Variants in SKI observed in about 807,000 individuals in gnomAD.
SKI encodes ski oncogene.
Under a neutral mutation model 59.3 loss-of-function variants are expected in SKI, and 23 were observed. That is an observed-to-expected ratio of 0.39 (90% CI 0.28 to 0.55). The LOEUF is 0.55. Among genes scored for constraint, SKI ranks in the 20% least tolerant of loss-of-function variants. The pLI, the probability that SKI is intolerant of heterozygous loss-of-function variation, is 0.67. For missense variants in SKI, 1,017 were observed against 1,038.9 expected, an observed-to-expected ratio of 0.98 and a Z score of 0.29; for synonymous variants, 673 against 488.6, an observed-to-expected ratio of 1.38 and a Z score of -4.98.
At chr1:2,261,873 C>CGCTCCTG (rs1557826548) in intron 1 of SKI, among the ~76,000 whole-genome samples, 30 of 137,516 alleles carry the variant, frequency 2.2e-4, no homozygotes, top group African/African-American at 8.2e-4. Context: ...TGGACGCCCT[C>CGCTCCTG]ACTCCTGATC....
intron 1 of SKI, among the ~76,000 whole-genome samples, chr1:2,255,265 A>G (rs922225293): frequency 1.3e-5 from 2 of 152,164 alleles, no homozygotes. Flanking sequence ...GACAAGCACT[A>G]TGGTGCTTGA....
rs1427630469 is a variant in SKI at position 2,269,426 on chromosome 1, G to A, written c.970-33552G>A. 6.6e-6 allele frequency among the ~76,000 whole-genome samples: 1 copy of A among 152,236 alleles called. No individual in the cohort carries two copies. The highest frequency in any genetic ancestry group is 1.5e-5 in the Non-Finnish European group (1 of 68,050). ...CCACAGCGTCACTAGTAGGCCAAGCGGACACTGCGGGACACGTTCCCCAAC... is the reference window on the plus strand; with the variant it reads ...CCACAGCGTCACTAGTAGGCCAAGCAGACACTGCGGGACACGTTCCCCAAC... On this transcript the variant is annotated intron_variant, in intron 1 of 6. Transcript: ENST00000378536. The surrounding 1 kb of genome is among the most constrained non-coding windows in gnomAD (Gnocchi z 4.7).
rs771124417 is a variant in SKI, at chr1:2,229,562, G to A, written c.796G>A (p.Ala266Thr). The A allele has an allele frequency of 1.9e-6, 3 of 1,611,410 alleles. No individual in the cohort carries two copies. The South Asian group carries it at 3.3e-5, about 18-fold the overall frequency. The change falls in exon 1 of 7, where the codon GCC becomes ACC. Residue 266 changes from alanine to threonine, a missense_variant. Transcript: ENST00000378536. This position sits in a 1 kb window ranked among gnomAD's most constrained non-coding sequence, Gnocchi z 6.3. ...CAAGTTCGTGGTGCACTCGCACAAGGCCCTGGAGAACCGGACCTGCCACTG... is the reference window on the plus strand; with the variant it reads ...CAAGTTCGTGGTGCACTCGCACAAGACCCTGGAGAACCGGACCTGCCACTG... ...PHKFVVHSHK[A>T]LENRTCHWGF...
intron 1 of SKI, among the ~76,000 whole-genome samples, chr1:2,285,123 C>T (rs922479225): frequency 2.6e-5 from 4 of 152,100 alleles, no homozygotes; most frequent in African/African-American, 4.8e-5. Context: ...TTGGTGTGGC[C>T]GTGTGGACTT....
At chr1:2,277,561 C>T (rs1167224735) in intron 1 of SKI, among the ~76,000 whole-genome samples, 2 of 152,234 alleles carry the variant, frequency 1.3e-5, no homozygotes, top group Non-Finnish European at 2.9e-5. Context: ...CCATGTGGAA[C>T]TGTAAGTCCA....
In SKI at chr1:2,269,546, G is replaced by T. The variant is rs919524868; in HGVS notation, c.970-33432G>T. 2.0e-5 allele frequency among the ~76,000 whole-genome samples: 3 copies of T among 152,270 alleles called. No individual in the cohort carries two copies. The highest frequency in any genetic ancestry group is 7.2e-5 in the African/African-American group (3 of 41,480). Reference sequence around the variant, plus strand: ...CCCGTTCCAGGCCCGCACTAGTGGCGCCTGGTTATCAGGTGTGGTGAGGAG... The same window carrying T: ...CCCGTTCCAGGCCCGCACTAGTGGCTCCTGGTTATCAGGTGTGGTGAGGAG... On this transcript the variant is annotated intron_variant, in intron 1 of 6. Coordinates refer to ENST00000378536, the MANE Select transcript of SKI (RefSeq NM_003036.4). This position sits in a 1 kb window ranked among gnomAD's most constrained non-coding sequence, Gnocchi z 4.7.
chr1:2,260,312 G>A (rs949607657), intron 1 of SKI, among the ~76,000 whole-genome samples: 1 of 152,046 alleles, frequency 6.6e-6, no homozygotes, highest in Non-Finnish European at 1.5e-5. Flanking sequence ...TGTCTTCTTT[G>A]GTGAAATGTC....
At position 2,282,157 on chromosome 1, in the gene SKI, AGGACGCCCGAGAAGACAGGC is replaced by A. The variant is rs1218523207; in HGVS notation, c.970-20818_970-20799del. ...GGCGGTGGCGGAGATCTTCAGAGAG[AGGACGCCCGAGAAGACAGGC>A]GGTGGCGGAGATCTTCAGAGAGAGG... On this transcript the variant is annotated intron_variant, in intron 1 of 6. Transcript: ENST00000378536. Among the ~76,000 whole-genome samples the A allele has an allele frequency of 2.6e-3, 102 of 38,858 alleles. 3 individuals carry two copies. Among genetic ancestry groups the A allele is most frequent in the East Asian group, 6.2e-3 (9 of 1,444 alleles). The allele number at this position is 38,858 out of a possible 152,430, so 25.5% of individuals were successfully genotyped here.
chr1:2,280,610 G>A (rs1298687057), intron 1 of SKI, among the ~76,000 whole-genome samples: 27 of 145,108 alleles, frequency 1.9e-4, no homozygotes, highest in African/African-American at 2.8e-4. Flanking sequence ...GAGAGAAGAT[G>A]CCCGAGAAGA....
chr1:2,228,856 C>A lies in SKI; in HGVS notation c.90C>A (p.Ser30Arg). 7.0e-7 allele frequency: 1 copy of A among 1,428,816 alleles called. No homozygotes were observed. Among genetic ancestry groups the A allele is most frequent in the East Asian group, 3.2e-5 (1 of 31,442 alleles). 88.5% of individuals were successfully genotyped at this position (1,428,816 alleles called of 1,614,324 possible). ...TLEQFHLSSM[S>R]SLGGPAAFSA... ...AGCAGTTCCACCTGAGCTCCATGAG[C>A]TCGCTGGGCGGCCCGGCCGCTTTCT... Residue 30 changes from serine to arginine, a missense_variant, in exon 1 of 7, where the codon AGC becomes AGA. By Grantham distance (110) the Ser-to-Arg change is moderately radical. Transcript: ENST00000378536.
At chr1:2,299,030 A>AG (rs1640358338) in intron 1 of SKI, among the ~76,000 whole-genome samples, 1 of 152,168 alleles carries the variant, frequency 6.6e-6, no homozygotes, top group South Asian at 2.1e-4. Context: ...GGTTCACAGC[A>AG]GGCTCTATGT....
chr1:2,242,060 T>G (rs1051542588), intron 1 of SKI, among the ~76,000 whole-genome samples: 1 of 152,098 alleles, frequency 6.6e-6, no homozygotes, highest in Non-Finnish European at 1.5e-5. Flanking sequence ...AGAGTCAATA[T>G]CTTGTTGGGA....
chr1:2,302,739 C>T (rs940775648), intron 1 of SKI, among the ~76,000 whole-genome samples: 4 of 152,196 alleles, frequency 2.6e-5, no homozygotes, highest in South Asian at 2.1e-4. Flanking sequence ...TCTGTTCTCT[C>T]GGAGATGACT....
chr1:2,273,574 C>T (rs1177639650), intron 1 of SKI, among the ~76,000 whole-genome samples: 1 of 152,134 alleles, frequency 6.6e-6, no homozygotes, highest in Admixed American at 6.5e-5. Flanking sequence ...GGGCGGTCCT[C>T]CCCAGCCTTG....
rs1346509032 is a variant in SKI at position 2,267,128 on chromosome 1, C to T, written c.970-35850C>T. On this transcript the variant is annotated intron_variant, in intron 1 of 6. Coordinates refer to ENST00000378536, the MANE Select transcript of SKI (RefSeq NM_003036.4). This position sits in a 1 kb window ranked among gnomAD's most constrained non-coding sequence, Gnocchi z 4.1. The stretch of plus-strand genomic sequence containing the variant: ...AGTTTCAGCGGGAATTGATTATGAA[C>T]AAAGTGCCATGATTTTGACTATTCA... Among the ~76,000 whole-genome samples the T allele has an allele frequency of 6.6e-6, 1 of 152,144 alleles. No homozygotes were observed. The highest frequency in any genetic ancestry group is 1.5e-5 in the Non-Finnish European group (1 of 68,022).
At chr1:2,242,234 C>G (rs553622327) in intron 1 of SKI, among the ~76,000 whole-genome samples, 1 of 152,294 alleles carries the variant, frequency 6.6e-6, no homozygotes, top group Middle Eastern at 3.4e-3. Flanking sequence ...CATGTCTAGT[C>G]AGGAGAGTAA....
intron 1 of SKI, among the ~76,000 whole-genome samples, chr1:2,273,686 A>T (rs1383934288): frequency 6.6e-6 from 1 of 152,158 alleles, no homozygotes; most frequent in Non-Finnish European, 1.5e-5. Context: ...GGACCCAGCC[A>T]GGAGGCCTGA....
chr1:2,306,003 C>T lies in SKI; in HGVS notation c.1768-17C>T. ...GGACCGGCTGGGCAGTGACCCCGAG[C>T]CGCCTCCGGCCCCCAGGAGCTGGAG... is the stretch of plus-strand genomic sequence containing the variant. On this transcript the variant is annotated splice_polypyrimidine_tract_variant and intron_variant, in intron 5 of 6. Transcript: ENST00000378536. 1.3e-6 allele frequency: 2 copies of T among 1,553,724 alleles called. No individual in the cohort carries two copies. Among genetic ancestry groups the T allele is most frequent in the Non-Finnish European group, 1.7e-6 (2 of 1,147,546 alleles).
intron 1 of SKI, among the ~76,000 whole-genome samples, chr1:2,232,039 C>T (rs944479547): frequency 6.6e-6 from 1 of 152,150 alleles, no homozygotes; most frequent in Admixed American, 6.5e-5. Context: ...TGGGCGTGGA[C>T]CCACAGTGCC....
Sources: allele counts gnomAD v4.1 joint callset (sites outside exome capture counted in the v4.1 genomes callset), GRCh38; gene constraint gnomAD v4.1.1; non-coding constraint Gnocchi (gnomAD v3.1); transcripts MANE v1.5; gene names NCBI Gene and HGNC (gene_info 2026-07-23, HGNC 2026-07-21).